The following CPVL variants were observed in gnomAD, a reference collection of about 807,000 sequenced individuals.
The protein encoded by CPVL is carboxypeptidase vitellogenic like, also known as probable serine carboxypeptidase CPVL.
CPVL carries 51 observed loss-of-function variants against 63.7 expected under a neutral mutation model. The ratio of observed to expected loss-of-function variants is 0.80; its 90% CI spans 0.64 to 1.01. CPVL has a LOEUF of 1.01. CPVL is among the 50% of genes least tolerant of loss of function. The pLI, the probability that CPVL is intolerant of heterozygous loss-of-function variation, is 0.00. For synonymous variants in CPVL, 195 were observed against 206.0 expected, an observed-to-expected ratio of 0.95 and a Z score of 0.46; for missense variants, 530 against 573.1, an observed-to-expected ratio of 0.92 and a Z score of 0.77.
chr7:29,045,082 T>C (rs1414310719), intron 11 of CPVL, among the ~76,000 whole-genome samples: 7 of 152,166 alleles, frequency 4.6e-5, no homozygotes, highest in Admixed American at 3.9e-4. Context: ...AATATATTAT[T>C]AAATGGCTTA....
chr7:29,027,636 G>T lies in CPVL; in HGVS notation c.1320+2941C>A, dbSNP rs374253388. 1.7e-4 allele frequency among the ~76,000 whole-genome samples: 26 copies of T among 152,208 alleles called. 2 individuals are homozygous for T. Among genetic ancestry groups the T allele is most frequent in the African/African-American group, 6.3e-4 (26 of 41,526 alleles). ...GATAAATGAATTCAGTAAAGTTGTA[G>T]GATACAAAATCAACATACAAAACTC... On this transcript the variant is annotated intron_variant, in intron 12 of 12. Transcript: ENST00000265394.
In CPVL at chr7:29,096,175, C is replaced by T; in HGVS notation, c.331G>A (p.Gly111Arg). The T allele has an allele frequency of 1.2e-6, 2 of 1,614,190 alleles. No homozygotes were observed. The part of the protein sequence containing the change: ...DAPVVLWLQG[G>R]PGGSSMFGLF... ...CCAAACATGGATGAACCTCCCGGCC[C>T]ACCCTGTAGCCAGAGAACTACTGGG... The change falls in exon 4 of 13, where the codon GGG becomes AGG. Residue 111 changes from glycine to arginine, a missense_variant. By Grantham distance (125) the Gly-to-Arg change is moderately radical. Coordinates refer to ENST00000265394, the MANE Select transcript of CPVL (RefSeq NM_031311.5).
At chr7:29,191,899 TC>T (rs1228285279) in intron 1 of CPVL, 4 of 152,240 alleles carry the variant, frequency 2.6e-5, no homozygotes, top group African/African-American at 9.6e-5. Flanking sequence ...TTCCAGCATG[TC>T]CTGATAACTT....
intron 5 of CPVL, among the ~76,000 whole-genome samples, chr7:29,157,588 A>G (rs932247440): frequency 6.6e-6 from 1 of 152,216 alleles, no homozygotes; most frequent in Admixed American, 6.5e-5. Context: ...CCTATGGAAA[A>G]TTGACTATGA....
intron 12 of CPVL, among the ~76,000 whole-genome samples, chr7:29,027,702 GAA>G (rs979774336): frequency 1.3e-5 from 2 of 151,970 alleles, no homozygotes; most frequent in African/African-American, 4.8e-5. Context: ...AGCTAAAAAA[GAA>G]ATCAAGAAAG....
At chr7:29,047,404 T>G (rs1191100603) in intron 11 of CPVL, among the ~76,000 whole-genome samples, 1 of 152,178 alleles carries the variant, frequency 6.6e-6, no homozygotes, top group Admixed American at 6.5e-5. Context: ...CTCGAAAGTC[T>G]CAGCAATAGA....
At position 29,064,152 on chromosome 7, in the gene CPVL, A is replaced by G. The variant is rs775477781; in HGVS notation, c.1046T>C (p.Phe349Ser). ...RQAIHVGNQT[F>S]NDGTIVEKYL... ...CTTTTCAACTATAGTTCCATCATTA[A>G]AAGTCTGATTCCCCACGTGGATGGC... is the stretch of plus-strand genomic sequence containing the variant. The change falls in exon 11 of 13, where the codon TTT becomes TCT. Residue 349 changes from phenylalanine to serine, a missense_variant. Physicochemically the swap from Phe to Ser is radical, Grantham distance 155. Transcript: ENST00000265394. 1.2e-6 allele frequency: 2 copies of G among 1,613,184 alleles called. No individual in the cohort carries two copies. Among genetic ancestry groups the G allele is most frequent in the Admixed American group, 1.7e-5 (1 of 60,006 alleles).
chr7:29,029,261 A>G (rs1164591265), intron 12 of CPVL, among the ~76,000 whole-genome samples: 1 of 152,200 alleles, frequency 6.6e-6, no homozygotes, highest in Non-Finnish European at 1.5e-5. Flanking sequence ...AAAAAAAACT[A>G]CAAATAGAAT....
intron 11 of CPVL, among the ~76,000 whole-genome samples, chr7:29,056,523 G>GT (rs531688486): frequency 9.2e-5 from 14 of 151,848 alleles, no homozygotes; most frequent in African/African-American, 2.4e-4. Flanking sequence ...TTGATAGCTC[G>GT]TTTTTTTTAG....
At chr7:29,070,368 C>A (rs996292630) in intron 9 of CPVL, among the ~76,000 whole-genome samples, 1 of 152,186 alleles carries the variant, frequency 6.6e-6, no homozygotes, top group East Asian at 1.9e-4. Flanking sequence ...AATGCTCTTG[C>A]TCTTGACAAT....
At chr7:29,184,490 T>G (rs190349307) in exon 4 of CPVL, 1 of 152,272 alleles carries the variant, frequency 6.6e-6, no homozygotes, top group East Asian at 1.9e-4. Flanking sequence ...GCTGATGGTA[T>G]AGTTCCTGTC....
At chr7:29,158,510 GTGTAGCCTAGTCTT>G (rs1474590395) in intron 5 of CPVL, among the ~76,000 whole-genome samples, 1 of 109,512 alleles carries the variant, frequency 9.1e-6, no homozygotes, top group African/African-American at 3.4e-5. Flanking sequence ...TTATTTTATT[GTGTAGCCTAGTCTT>G]TATGTGATAA....
At chr7:29,185,302 G>A (rs755066231) in intron 3 of CPVL, among the ~76,000 whole-genome samples, 21 of 152,220 alleles carry the variant, frequency 1.4e-4, no homozygotes, top group African/African-American at 4.3e-4. Flanking sequence ...TCATTGAGAA[G>A]TGTCTTTTAA....
intron 1 of CPVL, among the ~76,000 whole-genome samples, chr7:29,123,731 A>G (rs1020342615): frequency 1.4e-5 from 2 of 140,342 alleles, no homozygotes; most frequent in African/African-American, 5.2e-5. Flanking sequence ...CCCTGGGGAC[A>G]GAAACAAGAA....
At chr7:29,109,162 T>C (rs1013675581) in intron 3 of CPVL, among the ~76,000 whole-genome samples, 1 of 152,242 alleles carries the variant, frequency 6.6e-6, no homozygotes, top group Non-Finnish European at 1.5e-5. Flanking sequence ...CCTTATACTT[T>C]TTATCCCATG....
At chr7:29,087,442 AAAG>A (rs1785327128) in intron 6 of CPVL, among the ~76,000 whole-genome samples, 1 of 151,794 alleles carries the variant, frequency 6.6e-6, no homozygotes, top group Non-Finnish European at 1.5e-5. Context: ...AAAAAAAAAA[AAAG>A]AATGCCAATA....
intron 3 of CPVL, 139 bp from the exon 4 acceptor site, chr7:29,096,356 A>T: frequency 1.5e-6 from 1 of 660,830 alleles, no homozygotes; most frequent in Non-Finnish European, 2.7e-6. Context: ...GACCTCAGTA[A>T]CCACTCTCCA....
chr7:29,036,163 G>A (rs1310069301), intron 11 of CPVL, among the ~76,000 whole-genome samples: 1 of 152,132 alleles, frequency 6.6e-6, no homozygotes, highest in Non-Finnish European at 1.5e-5. Flanking sequence ...TACACCTTCG[G>A]ACCAGTGCAG....
intron 1 of CPVL, among the ~76,000 whole-genome samples, chr7:29,125,996 A>C (rs766376255): frequency 5.9e-5 from 9 of 152,164 alleles, no homozygotes; most frequent in Non-Finnish European, 8.8e-5. Flanking sequence ...TGATGGTTAA[A>C]TTTTCAGAAA....
Sources: allele counts gnomAD v4.1 joint callset (sites outside exome capture counted in the v4.1 genomes callset), GRCh38; gene constraint gnomAD v4.1.1; transcripts MANE v1.5; gene names NCBI Gene and HGNC (gene_info 2026-07-23, HGNC 2026-07-21).